The following TNR variants were observed in gnomAD, a reference collection of about 807,000 sequenced individuals.
TNR encodes tenascin-R.
A neutral mutation model predicts 150.4 loss-of-function variants in TNR; 45 were observed. The observed-to-expected ratio is 0.30, with a 90% CI of 0.24 to 0.38. The LOEUF (loss-of-function observed/expected upper bound fraction) is 0.38. Ranked by LOEUF, TNR falls within the 10% of genes least tolerant of loss-of-function variation. TNR has a pLI of 1.00. For missense variants in TNR, 1,544 were observed against 1,759.1 expected, an observed-to-expected ratio of 0.88 and a Z score of 2.19; for synonymous variants, 687 against 678.4, an observed-to-expected ratio of 1.01 and a Z score of -0.20.
chr1:175,356,387 T>A lies in TNR; in HGVS notation c.3050A>T (p.Tyr1017Phe), dbSNP rs188781558. Residue 1017 changes from tyrosine (Y) to phenylalanine (F), a missense_variant, in exon 16 of 23, where the codon TAT becomes TTT. Tyr to Phe is a conservative substitution (Grantham distance 22). Transcript: ENST00000367674. The stretch of plus-strand genomic sequence containing the variant: ...ATTGGTGGCATACATGGTGGCAGTA[T>A]AGTGGGTGCTAGGAAGCAGGTCAAC... ...RLVDLLPSTH[Y>F]TATMYATNGP... 6.2e-7 allele frequency: 1 copy of A among 1,614,032 alleles called. No homozygotes were observed. The highest frequency in any genetic ancestry group is 1.7e-5 in the Admixed American group (1 of 60,008).
chr1:175,696,227 T>TTTTTGTTGTTG (rs1553254737), intron 1 of TNR, among the ~76,000 whole-genome samples: 1 of 74,002 alleles, frequency 1.4e-5, no homozygotes. Context: ...GTTTTTTTTT[T>TTTTTGTTGTTG]TTTTTTTTTT....
intron 18 of TNR, 46 bp from the exon 19 acceptor site, chr1:175,337,725 A>G (rs1449729674): frequency 4.4e-6 from 7 of 1,600,072 alleles, no homozygotes; most frequent in Non-Finnish European, 6.0e-6. Flanking sequence ...TTTCTCTCAC[A>G]GTGCACAAGA....
chr1:175,726,196 A>G (rs1198535534), intron 1 of TNR, among the ~76,000 whole-genome samples: 3 of 152,210 alleles, frequency 2.0e-5, no homozygotes. Context: ...AAGATTACAC[A>G]GATAAGTAAT....
At chr1:175,488,529 G>T (rs940053007) in intron 2 of TNR, among the ~76,000 whole-genome samples, 3 of 152,170 alleles carry the variant, frequency 2.0e-5, no homozygotes, top group East Asian at 1.9e-4. Context: ...GATTTAGGGG[G>T]AGCTAAGCAG....
At chr1:175,649,597 C>T (rs1189786610) in intron 1 of TNR, among the ~76,000 whole-genome samples, 1 of 152,134 alleles carries the variant, frequency 6.6e-6, no homozygotes, top group Non-Finnish European at 1.5e-5. Context: ...AGAGTGACCA[C>T]CAGGAGGTGA....
chr1:175,556,656 C>G (rs2179159), intron 1 of TNR: 23,226 of 152,868 alleles, frequency 0.15, 1,927 homozygotes, highest in Non-Finnish European at 0.19. Context: ...TCCTCTTGCT[C>G]CTTCTCAGTC....
At chr1:175,544,846 T>C (rs10912997) in intron 1 of TNR, among the ~76,000 whole-genome samples, 71,863 of 152,074 alleles carry the variant, frequency 0.47, 17,625 homozygotes, top group East Asian at 0.67. Context: ...TGCAAGTCTT[T>C]TGATATCAGG....
intron 1 of TNR, among the ~76,000 whole-genome samples, chr1:175,695,501 G>T (rs78536071): frequency 0.028 from 4,235 of 152,248 alleles, 192 homozygotes; most frequent in African/African-American, 0.096. Flanking sequence ...CAACTTGTTA[G>T]GCAGAAATAG....
chr1:175,464,632 T>G lies in TNR; in HGVS notation c.-63-57855A>C, dbSNP rs186466187. Reference sequence around the variant, plus strand: ...GAGCAAAGGTTATGAACAGAAAGGTTGTAAGTATAAGTGAACAATAGTTCA... The same window carrying G: ...GAGCAAAGGTTATGAACAGAAAGGTGGTAAGTATAAGTGAACAATAGTTCA... On this transcript the variant is annotated intron_variant, in intron 2 of 22. Coordinates refer to ENST00000367674, the MANE Select transcript of TNR (RefSeq NM_003285.3). 1.1e-4 allele frequency among the ~76,000 whole-genome samples: 16 copies of G among 152,270 alleles called. No individual in the cohort carries two copies. In the East Asian group the frequency reaches 3.1e-3, roughly 29 times the overall value.
intron 1 of TNR, among the ~76,000 whole-genome samples, chr1:175,588,937 T>C (rs1419032424): frequency 6.6e-6 from 1 of 152,098 alleles, no homozygotes. Context: ...GTCGCATTCA[T>C]CTATGGTAAC....
At chr1:175,417,427 T>C (rs970199415) in intron 2 of TNR, among the ~76,000 whole-genome samples, 1 of 152,124 alleles carries the variant, frequency 6.6e-6, no homozygotes, top group Non-Finnish European at 1.5e-5. Context: ...GAAGGGACCA[T>C]CTTCAGTCTT....
intron 2 of TNR, among the ~76,000 whole-genome samples, chr1:175,416,620 T>G (rs945081069): frequency 6.6e-6 from 1 of 152,212 alleles, no homozygotes; most frequent in African/African-American, 2.4e-5. Flanking sequence ...AGAAAGTTTC[T>G]TTGCAAGAAA....
chr1:175,509,050 G>A (rs1050818932), intron 2 of TNR, among the ~76,000 whole-genome samples: 3 of 152,166 alleles, frequency 2.0e-5, no homozygotes, highest in Non-Finnish European at 4.4e-5. Flanking sequence ...TATCTTAAAA[G>A]TAAATAGACA....
At chr1:175,397,167 T>C (rs1007520994) in intron 4 of TNR, among the ~76,000 whole-genome samples, 4 of 152,264 alleles carry the variant, frequency 2.6e-5, no homozygotes, top group African/African-American at 9.6e-5. Flanking sequence ...GTAATAGATA[T>C]TCAAAATTTA....
At chr1:175,471,053 G>A (rs1657264627) in intron 2 of TNR, among the ~76,000 whole-genome samples, 2 of 152,214 alleles carry the variant, frequency 1.3e-5, no homozygotes, top group Non-Finnish European at 2.9e-5. Context: ...CTGGGAACAG[G>A]AGGCTCACTG....
chr1:175,554,319 CA>C (rs35187935), intron 1 of TNR, among the ~76,000 whole-genome samples: 1 of 93,842 alleles, frequency 1.1e-5, no homozygotes, highest in Non-Finnish European at 2.1e-5. Flanking sequence ...AAGGGATTAA[CA>C]AAAAGATGTC....
chr1:175,729,618 C>A (rs186136395), intron 1 of TNR, among the ~76,000 whole-genome samples: 1 of 152,214 alleles, frequency 6.6e-6, no homozygotes, highest in Admixed American at 6.6e-5. Flanking sequence ...CCCTCCCTTC[C>A]TTTTCTTTCA....
At position 175,599,326 on chromosome 1, in the gene TNR, C is replaced by T. The variant is rs2101845233; in HGVS notation, c.-164-70957G>A. 6.6e-6 allele frequency among the ~76,000 whole-genome samples: 1 copy of T among 152,314 alleles called. No individual in the cohort carries two copies. Among genetic ancestry groups the T allele is most frequent in the East Asian group, 1.9e-4 (1 of 5,172 alleles). Reference sequence around the variant, plus strand: ...AGACATCGCAGCAACGCTAACGGGGCAGACCGCATAGGGGCCCTGAGAGGC... The same window carrying T: ...AGACATCGCAGCAACGCTAACGGGGTAGACCGCATAGGGGCCCTGAGAGGC... On this transcript the variant is annotated intron_variant, in intron 1 of 22. Transcript: ENST00000367674. The surrounding 1 kb of genome is among the most constrained non-coding windows in gnomAD (Gnocchi z 4.7).
At chr1:175,364,255 T>C (rs750962449) in intron 12 of TNR, among the ~76,000 whole-genome samples, 1 of 152,162 alleles carries the variant, frequency 6.6e-6, no homozygotes, top group Non-Finnish European at 1.5e-5. Flanking sequence ...GCCTATTGAC[T>C]ATACAGGGAT....
Sources: gnomAD v4.1 joint callset for allele counts (sites outside exome capture counted in the v4.1 genomes callset) on GRCh38, gnomAD v4.1.1 for gene constraint, Gnocchi (gnomAD v3.1) non-coding constraint, MANE v1.5 for transcripts, NCBI Gene and HGNC (gene_info 2026-07-23, HGNC 2026-07-21) for gene names.